DSCAM: variants seen among roughly 807,000 people sequenced by gnomAD.
DSCAM encodes the protein cell adhesion molecule DSCAM.
DSCAM carries 47 observed loss-of-function variants against 217.7 expected under a neutral mutation model. That is an observed-to-expected ratio of 0.22 (90% confidence interval 0.17 to 0.28). The LOEUF is 0.28. Among genes scored for constraint, DSCAM ranks in the 10% least tolerant of loss-of-function variants. The pLI, the probability that DSCAM is intolerant of heterozygous loss-of-function variation, is 1.00. For synonymous variants in DSCAM, 1,056 were observed against 1,015.3 expected, an observed-to-expected ratio of 1.04 and a Z score of -0.76; for missense variants, 2,080 against 2,618.3, an observed-to-expected ratio of 0.79 and a Z score of 4.49.
chr21:40,473,542 G>A (rs1286592313), intron 3 of DSCAM, among the ~76,000 whole-genome samples: 3 of 152,166 alleles, frequency 2.0e-5, no homozygotes, highest in Non-Finnish European at 2.9e-5. Flanking sequence ...CTCTGAAATT[G>A]GGCAGCGGTC....
chr21:40,428,287 T>A (rs964442535), intron 3 of DSCAM, among the ~76,000 whole-genome samples: 1 of 138,878 alleles, frequency 7.2e-6, no homozygotes, highest in Non-Finnish European at 1.6e-5. Context: ...TGTGTGTGTG[T>A]GTGATGGAGT....
chr21:40,162,984 G>T (rs2090556049), intron 16 of DSCAM, among the ~76,000 whole-genome samples: 1 of 151,708 alleles, frequency 6.6e-6, no homozygotes, highest in Admixed American at 6.6e-5. Flanking sequence ...GTCTTAAATT[G>T]CATTCTCTGG....
intron 3 of DSCAM, among the ~76,000 whole-genome samples, chr21:40,618,261 T>C (rs2146291277): frequency 6.6e-6 from 1 of 152,332 alleles, no homozygotes; most frequent in East Asian, 1.9e-4. Flanking sequence ...AAGGAATAAA[T>C]ACATTTTAAA....
chr21:40,207,870 G>A lies in DSCAM; in HGVS notation c.2357-18632C>T, dbSNP rs150424710. On this transcript the variant is annotated intron_variant, in intron 11 of 32. Transcript: ENST00000400454. Reference sequence around the variant, plus strand: ...CCATCTTCACCTGGGGTCCTCACACGGTCACTCCTCCATGTGTGTGGCTAC... The same window carrying A: ...CCATCTTCACCTGGGGTCCTCACACAGTCACTCCTCCATGTGTGTGGCTAC... Among the ~76,000 whole-genome samples the A allele has an allele frequency of 9.9e-3, 1,513 of 152,118 alleles. 30 individuals are homozygous for A. The highest frequency in any genetic ancestry group is 0.033 in the African/African-American group (1,359 of 41,496).
intron 1 of DSCAM, among the ~76,000 whole-genome samples, chr21:40,834,321 G>A (rs976022093): frequency 1.3e-5 from 2 of 150,964 alleles, no homozygotes; most frequent in South Asian, 4.2e-4. Flanking sequence ...GCAGGAGAAC[G>A]GCATGAACCC....
chr21:40,402,868 G>A lies in DSCAM; in HGVS notation c.509-33623C>T, dbSNP rs563730587. ...AATGACATATCAAAACTCAGAGTAA[G>A]GCAATAGCTATCAATAAATTATTTC... On this transcript the variant is annotated intron_variant, in intron 3 of 32. Transcript: ENST00000400454. Among the ~76,000 whole-genome samples the A allele has an allele frequency of 7.2e-5, 11 of 152,054 alleles. 1 individual carries two copies. The highest frequency in any genetic ancestry group is 2.4e-4 in the African/African-American group (10 of 41,488).
At chr21:40,192,610 C>A (rs1234586995) in intron 11 of DSCAM, among the ~76,000 whole-genome samples, 1 of 152,180 alleles carries the variant, frequency 6.6e-6, no homozygotes, top group Non-Finnish European at 1.5e-5. Context: ...AAAGAACAGA[C>A]TAACACAATA....
At chr21:40,519,522 A>G (rs1379350618) in intron 3 of DSCAM, among the ~76,000 whole-genome samples, 1 of 152,160 alleles carries the variant, frequency 6.6e-6, no homozygotes, top group Non-Finnish European at 1.5e-5. Context: ...ATAAAGCAAG[A>G]AGGCGCTGTC....
At chr21:40,349,999 GC>G (rs2074611553) in intron 5 of DSCAM, among the ~76,000 whole-genome samples, 1 of 152,060 alleles carries the variant, frequency 6.6e-6, no homozygotes, top group Non-Finnish European at 1.5e-5. Flanking sequence ...CTTGTAGATG[GC>G]AGATGGCTAA....
chr21:40,375,363 A>G (rs1012072273), intron 3 of DSCAM, among the ~76,000 whole-genome samples: 2 of 152,224 alleles, frequency 1.3e-5, no homozygotes, highest in Non-Finnish European at 2.9e-5. Flanking sequence ...ATGATGGTCT[A>G]TGATAGTTTG....
At chr21:40,764,920 G>A (rs1238728263) in intron 1 of DSCAM, among the ~76,000 whole-genome samples, 1 of 152,078 alleles carries the variant, frequency 6.6e-6, no homozygotes, top group Non-Finnish European at 1.5e-5. Flanking sequence ...GGGGCACAGA[G>A]AGGGGAACAT....
intron 9 of DSCAM, among the ~76,000 whole-genome samples, chr21:40,304,317 G>C (rs1263831744): frequency 6.6e-6 from 1 of 152,234 alleles, no homozygotes; most frequent in Non-Finnish European, 1.5e-5. Context: ...ACGTCACTCA[G>C]CCTTCATAGA....
At chr21:40,735,910 C>T (rs75383078) in intron 1 of DSCAM, among the ~76,000 whole-genome samples, 1,758 of 152,244 alleles carry the variant, frequency 0.012, 15 homozygotes, top group Non-Finnish European at 0.018. Context: ...ACTTCCCCAC[C>T]CCCAGCTTAA....
intron 3 of DSCAM, among the ~76,000 whole-genome samples, chr21:40,675,219 G>A (rs549310711): frequency 1.5e-4 from 23 of 152,226 alleles, no homozygotes; most frequent in African/African-American, 5.3e-4. Context: ...CCCAGACCAC[G>A]GGGACTAATA....
chr21:40,059,469 G>A (rs2089080325), intron 28 of DSCAM, among the ~76,000 whole-genome samples: 2 of 152,184 alleles, frequency 1.3e-5, no homozygotes, highest in African/African-American at 4.8e-5. Flanking sequence ...ATATCTAGGA[G>A]CATGAAGCCC....
intron 3 of DSCAM, among the ~76,000 whole-genome samples, chr21:40,445,985 G>A (rs866770222): frequency 1.3e-5 from 2 of 152,144 alleles, no homozygotes; most frequent in African/African-American, 4.8e-5. Context: ...ATGAACACAT[G>A]GCTTAATGAG....
At chr21:40,207,113 C>T (rs1222699940) in intron 11 of DSCAM, among the ~76,000 whole-genome samples, 2 of 151,116 alleles carry the variant, frequency 1.3e-5, no homozygotes, top group Non-Finnish European at 2.9e-5. Flanking sequence ...TTTAAAAAGT[C>T]AAACCGAAAA....
In DSCAM at chr21:40,540,328, C is replaced by G. The variant is rs73364958; in HGVS notation, c.508+152482G>C. Among the ~76,000 whole-genome samples the G allele has an allele frequency of 6.4e-3, 968 of 152,252 alleles. 13 individuals are homozygous for G. Among genetic ancestry groups the G allele is most frequent in the African/African-American group, 0.022 (917 of 41,544 alleles). ...CCTCTAAGAAGCCTCCATTGATTTC[C>G]CAGATAGAACCAATTCCTCTCTCCC... On this transcript the variant is annotated intron_variant, in intron 3 of 32. Coordinates refer to ENST00000400454, the MANE Select transcript of DSCAM (RefSeq NM_001389.5).
At chr21:40,474,397 T>C (rs753028818) in intron 3 of DSCAM, among the ~76,000 whole-genome samples, 49 of 152,348 alleles carry the variant, frequency 3.2e-4, no homozygotes, top group Admixed American at 1.4e-3. Context: ...CCTTGGCATG[T>C]TCCTTTGCAG....
Sources: allele counts gnomAD v4.1 joint callset (sites outside exome capture counted in the v4.1 genomes callset), GRCh38; gene constraint gnomAD v4.1.1; transcripts MANE v1.5; gene names NCBI Gene and HGNC (gene_info 2026-07-23, HGNC 2026-07-21).